HSD17B11: variants seen among roughly 807,000 people sequenced by gnomAD.
The protein encoded by HSD17B11 is estradiol 17-beta-dehydrogenase 11.
A neutral mutation model predicts 27.8 loss-of-function variants in HSD17B11; 22 were observed. The ratio of observed to expected loss-of-function variants is 0.79; its 90% CI spans 0.56 to 1.13. HSD17B11 has a LOEUF of 1.13. Among genes scored for constraint, HSD17B11 ranks in the 50% most tolerant of loss-of-function variants. HSD17B11 has a pLI of 0.00. For synonymous variants in HSD17B11, 117 were observed against 132.8 expected, an observed-to-expected ratio of 0.88 and a Z score of 0.82; for missense variants, 314 against 351.1, an observed-to-expected ratio of 0.89 and a Z score of 0.84.
Position 87,387,367 on chromosome 4 carries a change from T to C in HSD17B11, c.210+3494A>G, listed in dbSNP as rs116116765. ...TCATTACATGGATGAATCTAAGAGA[T>C]TGTCTTTGTACTCTAGGTGAAAGGG... On this transcript the variant is annotated intron_variant, in intron 1 of 6. Coordinates refer to ENST00000358290, the MANE Select transcript of HSD17B11 (RefSeq NM_016245.5). Among the ~76,000 whole-genome samples, 1,322 of 152,230 alleles carry C rather than the reference T, an allele frequency of 8.7e-3. 26 individuals carry two copies. Among genetic ancestry groups the C allele is most frequent in the African/African-American group, 0.03 (1,246 of 41,528 alleles).
chr4:87,380,485 A>G (rs113780930), intron 2 of HSD17B11, among the ~76,000 whole-genome samples: 3,425 of 39,556 alleles, frequency 0.087, 191 homozygotes, highest in African/African-American at 0.21. Flanking sequence ...AAAAAAAAAA[A>G]AAAGAAAAAA....
chr4:87,378,696 G>C (rs1719977871), intron 2 of HSD17B11, among the ~76,000 whole-genome samples: 1 of 144,574 alleles, frequency 6.9e-6, no homozygotes, highest in Non-Finnish European at 1.5e-5. Flanking sequence ...CCAGCCTCTG[G>C]TAACCATCCT....
intron 4 of HSD17B11, chr4:87,365,818 G>A (rs1455909291): frequency 6.7e-6 from 1 of 149,666 alleles, no homozygotes; most frequent in East Asian, 2.0e-4. Flanking sequence ...AGTGTTAAAG[G>A]ATTGTGTTAA....
At chr4:87,371,039 A>T (rs62319094) in intron 4 of HSD17B11, among the ~76,000 whole-genome samples, 25,943 of 138,672 alleles carry the variant, frequency 0.19, 3,404 homozygotes, top group African/African-American at 0.35. Flanking sequence ...GGCGTGAGCC[A>T]CCGCGCCCGG....
intron 4 of HSD17B11, among the ~76,000 whole-genome samples, chr4:87,370,746 A>ATT (rs1252040331): frequency 2.4e-3 from 13 of 5,364 alleles, no homozygotes; most frequent in South Asian, 6.7e-3. Context: ...TATTATTATT[A>ATT]TTATTATTAT....
intron 4 of HSD17B11, among the ~76,000 whole-genome samples, chr4:87,359,615 C>A (rs978616189): frequency 2.0e-5 from 3 of 152,194 alleles, no homozygotes; most frequent in African/African-American, 7.2e-5. Flanking sequence ...ACTTTTGCCT[C>A]AGTCTCTCAC....
chr4:87,359,180 T>C (rs1164012188), intron 4 of HSD17B11, among the ~76,000 whole-genome samples: 1 of 152,140 alleles, frequency 6.6e-6, no homozygotes, highest in African/African-American at 2.4e-5. Context: ...CCTTTATAAA[T>C]TGGCCAGTCT....
intron 6 of HSD17B11, among the ~76,000 whole-genome samples, chr4:87,339,635 T>G (rs1196701376): frequency 6.6e-6 from 1 of 152,194 alleles, no homozygotes; most frequent in African/African-American, 2.4e-5. Context: ...GTGGCCAGCC[T>G]CATTGCCACA....
chr4:87,343,649 G>T (rs1735215006), intron 5 of HSD17B11, among the ~76,000 whole-genome samples: 2 of 149,888 alleles, frequency 1.3e-5, no homozygotes, highest in South Asian at 4.2e-4. Flanking sequence ...CCAGGCTCAA[G>T]CAATTCTCCT....
chr4:87,384,712 T>C (rs1720261944), intron 1 of HSD17B11, among the ~76,000 whole-genome samples: 1 of 151,542 alleles, frequency 6.6e-6, no homozygotes, highest in Non-Finnish European at 1.5e-5. Context: ...GGTAAATCTG[T>C]GGTCAGACCG....
Position 87,352,965 on chromosome 4 carries a change from C to T in HSD17B11, c.695+4314G>A, listed in dbSNP as rs62305734. On this transcript the variant is annotated intron_variant, in intron 5 of 6. Coordinates refer to ENST00000358290, the MANE Select transcript of HSD17B11 (RefSeq NM_016245.5). The stretch of plus-strand genomic sequence containing the variant: ...GCGCTTCCCAGGTGAGGCAATGCCT[C>T]GCCCTGCTTCGGCTCGCGCACGGTG... Among the ~76,000 whole-genome samples the T allele has an allele frequency of 1.8e-3, 178 of 100,832 alleles. 20 individuals are homozygous for T. The highest frequency in any genetic ancestry group is 8.8e-3 in the African/African-American group (165 of 18,818). The allele number at this position is 100,832 out of a possible 152,430, so 66.1% of individuals were successfully genotyped here. A position where few individuals can be genotyped will look rare whatever the true frequency, so the allele number is the denominator to read the frequency against.
chr4:87,356,574 C>T (rs989324086), intron 5 of HSD17B11, among the ~76,000 whole-genome samples: 8 of 151,966 alleles, frequency 5.3e-5, no homozygotes, highest in Non-Finnish European at 1.0e-4. Context: ...AGAGTGGTTT[C>T]CACTCAATAG....
At chr4:87,368,943 G>C (rs987062754) in intron 4 of HSD17B11, among the ~76,000 whole-genome samples, 1 of 152,126 alleles carries the variant, frequency 6.6e-6, no homozygotes, top group Non-Finnish European at 1.5e-5. Context: ...CAGCCCTTAG[G>C]GCTGCTCTGT....
intron 5 of HSD17B11, among the ~76,000 whole-genome samples, chr4:87,342,121 G>GT (rs2110112426): frequency 6.6e-6 from 1 of 152,194 alleles, no homozygotes; most frequent in African/African-American, 2.4e-5. Context: ...GGTGCTCAAT[G>GT]CCTGTAATCC....
At chr4:87,355,181 T>C (rs1412785332) in intron 5 of HSD17B11, among the ~76,000 whole-genome samples, 1 of 152,088 alleles carries the variant, frequency 6.6e-6, no homozygotes, top group African/African-American at 2.4e-5. Context: ...TCTATCCAAG[T>C]AAGCATGTGA....
chr4:87,356,273 T>C (rs62305753), intron 5 of HSD17B11, among the ~76,000 whole-genome samples: 24,903 of 151,866 alleles, frequency 0.16, 78 homozygotes, highest in African/African-American at 0.22. Flanking sequence ...TGAATCTACC[T>C]GAGGGAGATA....
At chr4:87,378,905 A>AATATATATATATAAAT (rs1720029650) in intron 2 of HSD17B11, among the ~76,000 whole-genome samples, 3 of 12,366 alleles carry the variant, frequency 2.4e-4, no homozygotes, top group Non-Finnish European at 3.8e-4. Flanking sequence ...AATATATATA[A>AATATATATATATAAAT]ATATATATAT....
chr4:87,390,524 CTT>C (rs1194377518), intron 1 of HSD17B11, among the ~76,000 whole-genome samples: 3 of 152,178 alleles, frequency 2.0e-5, no homozygotes, highest in African/African-American at 4.8e-5. Context: ...GCTTCTTACT[CTT>C]TTAATATATA....
intron 2 of HSD17B11, 61 bp from the exon 3 acceptor site, chr4:87,374,891 C>A: frequency 1.6e-6 from 2 of 1,263,974 alleles, no homozygotes; most frequent in Middle Eastern, 2.9e-4. Flanking sequence ...AGTTTATACA[C>A]AATGGCTATT....
Sources: allele counts gnomAD v4.1 joint callset (sites outside exome capture counted in the v4.1 genomes callset), GRCh38; gene constraint gnomAD v4.1.1; transcripts MANE v1.5; gene names NCBI Gene and HGNC (gene_info 2026-07-23, HGNC 2026-07-21).